The following PCDH9 variants were observed in gnomAD, a reference collection of about 807,000 sequenced individuals.
PCDH9 encodes protocadherin 9, also known as protocadherin-9.
A neutral mutation model predicts 70.6 loss-of-function variants in PCDH9; 24 were observed. That is an observed-to-expected ratio of 0.34 (90% CI 0.25 to 0.48). The LOEUF is 0.48. Among genes scored for constraint, PCDH9 ranks in the 20% least tolerant of loss-of-function variants. The pLI is 0.99. For synonymous variants in PCDH9, 562 were observed against 558.5 expected (o/e 1.01, Z -0.09); for missense variants, 1,281 against 1,503.6 (o/e 0.85, Z 2.45).
At chr13:66,711,815 C>T (rs1038961604) in intron 3 of PCDH9, among the ~76,000 whole-genome samples, 8 of 152,152 alleles carry the variant, frequency 5.3e-5, no homozygotes, top group African/African-American at 1.7e-4. Flanking sequence ...TAAAGAACAT[C>T]TGCTGCAACA....
chr13:66,863,721 G>A (rs1443875821), intron 3 of PCDH9, among the ~76,000 whole-genome samples: 2 of 152,030 alleles, frequency 1.3e-5, no homozygotes, highest in East Asian at 1.9e-4. Flanking sequence ...TCCCGACCTC[G>A]TGATCTGCCC....
intron 4 of PCDH9, among the ~76,000 whole-genome samples, chr13:66,560,226 A>G (rs1392861849): frequency 6.6e-6 from 1 of 152,000 alleles, no homozygotes; most frequent in African/African-American, 2.4e-5. Flanking sequence ...CAGACTCTGT[A>G]TACTCCTTTA....
At chr13:66,445,611 T>A (rs1593992019) in intron 4 of PCDH9, among the ~76,000 whole-genome samples, 1 of 141,746 alleles carries the variant, frequency 7.1e-6, no homozygotes, top group East Asian at 2.1e-4. Context: ...CACATATATA[T>A]TATATATACA....
intron 4 of PCDH9, among the ~76,000 whole-genome samples, chr13:66,505,402 T>C (rs1959201003): frequency 6.6e-6 from 1 of 151,930 alleles, no homozygotes; most frequent in Non-Finnish European, 1.5e-5. Context: ...TGAGACTTAT[T>C]CACTATCACG....
chr13:66,692,452 C>T (rs975781499), intron 3 of PCDH9, among the ~76,000 whole-genome samples: 5 of 151,888 alleles, frequency 3.3e-5, no homozygotes, highest in African/African-American at 7.2e-5. Context: ...CTACAGCTAT[C>T]GATTAAAGTT....
At position 66,624,988 on chromosome 13, in the gene PCDH9, T is replaced by C. The variant is rs183708164; in HGVS notation, c.3340+6222A>G. Among the ~76,000 whole-genome samples, 209 of 152,214 alleles carry C rather than the reference T, an allele frequency of 1.4e-3. 2 individuals are homozygous for C. The highest frequency in any genetic ancestry group is 1.1e-3 in the Non-Finnish European group (75 of 68,004). Reference sequence around the variant, plus strand: ...TAGCCTAATGTAATAACCACCCATATAGCCATCACCCAATCTCAACAGCTA... The same window carrying C: ...TAGCCTAATGTAATAACCACCCATACAGCCATCACCCAATCTCAACAGCTA... On this transcript the variant is annotated intron_variant, in intron 4 of 4. Transcript: ENST00000377865.
intron 3 of PCDH9, among the ~76,000 whole-genome samples, chr13:66,825,600 G>T (rs2080810109): frequency 2.0e-5 from 3 of 152,032 alleles, no homozygotes; most frequent in South Asian, 2.1e-4. Context: ...CTCCCAAAGT[G>T]CTGGGATTAC....
At chr13:67,016,322 G>A (rs116729959) in intron 2 of PCDH9, among the ~76,000 whole-genome samples, 5,830 of 152,126 alleles carry the variant, frequency 0.038, 189 homozygotes, top group African/African-American at 0.089. Flanking sequence ...CTGAATTTCC[G>A]TTCATTAACA....
intron 2 of PCDH9, among the ~76,000 whole-genome samples, chr13:66,983,344 G>T (rs1004302650): frequency 6.6e-6 from 1 of 151,872 alleles, no homozygotes. Context: ...GAAATTTGCC[G>T]ATTACTTACA....
chr13:66,765,841 A>G (rs2079707079), intron 3 of PCDH9, among the ~76,000 whole-genome samples: 1 of 152,022 alleles, frequency 6.6e-6, no homozygotes, highest in African/African-American at 2.4e-5. Flanking sequence ...GTGCAGTTTG[A>G]GTGCCTACAC....
intron 3 of PCDH9, among the ~76,000 whole-genome samples, chr13:66,725,142 T>C (rs1243620293): frequency 3.3e-5 from 5 of 152,200 alleles, no homozygotes; most frequent in Non-Finnish European, 5.9e-5. Context: ...AGGTCCAGTT[T>C]GTTATATAAT....
At chr13:66,660,416 G>C (rs2077993151) in intron 3 of PCDH9, among the ~76,000 whole-genome samples, 1 of 152,180 alleles carries the variant, frequency 6.6e-6, no homozygotes. Flanking sequence ...TATGAAGGAA[G>C]AAGTATGTTC....
intron 4 of PCDH9, among the ~76,000 whole-genome samples, chr13:66,313,377 T>G (rs970477378): frequency 6.6e-6 from 1 of 152,212 alleles, no homozygotes; most frequent in Non-Finnish European, 1.5e-5. Context: ...TTCTTGCAAT[T>G]TGCATTGTTT....
intron 2 of PCDH9, among the ~76,000 whole-genome samples, chr13:67,002,611 T>A (rs2084267796): frequency 6.6e-6 from 1 of 151,996 alleles, no homozygotes; most frequent in Non-Finnish European, 1.5e-5. Context: ...AGATCAATAA[T>A]GATCTCTGTT....
intron 4 of PCDH9, among the ~76,000 whole-genome samples, chr13:66,327,006 G>A (rs1007371515): frequency 6.7e-6 from 1 of 149,038 alleles, no homozygotes; most frequent in Non-Finnish European, 1.5e-5. Context: ...TTTTTTTTCT[G>A]TATTTTGTTA....
chr13:67,108,859 G>GA (rs1320625358), intron 2 of PCDH9, among the ~76,000 whole-genome samples: 29 of 152,220 alleles, frequency 1.9e-4, no homozygotes, highest in Admixed American at 5.9e-4. Flanking sequence ...AATAATGTTA[G>GA]AATAACATTG....
intron 4 of PCDH9, among the ~76,000 whole-genome samples, chr13:66,307,878 A>T (rs1378225094): frequency 6.6e-6 from 1 of 152,104 alleles, no homozygotes; most frequent in African/African-American, 2.4e-5. Flanking sequence ...TTCAGCATTG[A>T]GTGACACATT....
intron 2 of PCDH9, among the ~76,000 whole-genome samples, chr13:67,067,766 T>C (rs1415778692): frequency 7.6e-6 from 1 of 131,562 alleles, no homozygotes; most frequent in Non-Finnish European, 1.6e-5. Flanking sequence ...TTGATCATCG[T>C]GGGGAATAGC....
At chr13:66,861,066 G>A (rs537975732) in intron 3 of PCDH9, among the ~76,000 whole-genome samples, 2 of 152,298 alleles carry the variant, frequency 1.3e-5, no homozygotes, top group East Asian at 3.9e-4. Flanking sequence ...GAGACTTGCT[G>A]AATTTTATTA....
Sources: gnomAD v4.1 joint callset for allele counts (sites outside exome capture counted in the v4.1 genomes callset) on GRCh38, gnomAD v4.1.1 for gene constraint, MANE v1.5 for transcripts, NCBI Gene and HGNC (gene_info 2026-07-23, HGNC 2026-07-21) for gene names.